BNC2: variants seen among roughly 807,000 people sequenced by gnomAD.
BNC2 encodes basonuclin zinc finger protein 2.
A neutral mutation model predicts 76.3 loss-of-function variants in BNC2; 20 were observed. The observed-to-expected ratio is 0.26, with a 90% CI of 0.18 to 0.38. The LOEUF (loss-of-function observed/expected upper bound fraction) is 0.38, where lower values mean the gene tolerates loss of function less well. BNC2 is among the 10% of genes least tolerant of loss of function. The pLI, the probability that BNC2 is intolerant of heterozygous loss-of-function variation, is 1.00. For synonymous variants in BNC2, 582 were observed against 514.8 expected, an observed-to-expected ratio of 1.13 and a Z score of -1.77; for missense variants, 1,382 against 1,399.8, an observed-to-expected ratio of 0.99 and a Z score of 0.20.
At chr9:16,496,936 C>T (rs966110266) in intron 5 of BNC2, among the ~76,000 whole-genome samples, 2 of 152,244 alleles carry the variant, frequency 1.3e-5, no homozygotes, top group African/African-American at 4.8e-5. Flanking sequence ...TCCATCATCA[C>T]ATCAGCAGCC....
intron 6 of BNC2, among the ~76,000 whole-genome samples, chr9:16,424,115 G>A (rs1465254573): frequency 6.6e-6 from 1 of 152,108 alleles, no homozygotes; most frequent in Non-Finnish European, 1.5e-5. Context: ...TAGAGAGAAA[G>A]CAAGTCTTGC....
intron 3 of BNC2, among the ~76,000 whole-genome samples, chr9:16,673,785 A>G (rs1302735100): frequency 6.6e-6 from 1 of 152,198 alleles, no homozygotes; most frequent in Non-Finnish European, 1.5e-5. Flanking sequence ...AGACACCTAC[A>G]CTGCAGTAGG....
chr9:16,530,467 TTC>T (rs1817942723), intron 5 of BNC2, among the ~76,000 whole-genome samples: 1 of 152,160 alleles, frequency 6.6e-6, no homozygotes, highest in Non-Finnish European at 1.5e-5. Context: ...TCCCTGGATT[TTC>T]TCTCTCATAA....
At chr9:16,430,811 A>T (rs1820894445) in intron 6 of BNC2, among the ~76,000 whole-genome samples, 1 of 152,260 alleles carries the variant, frequency 6.6e-6, no homozygotes, top group African/African-American at 2.4e-5. Context: ...CTTCCGCCAT[A>T]GGAATACAGA....
chr9:16,685,735 A>G (rs1387567748), intron 3 of BNC2: 1 of 595,916 alleles, frequency 1.7e-6, no homozygotes, highest in African/African-American at 1.9e-5. Context: ...GCGGGTCTCT[A>G]ACAGGTCATC....
At chr9:16,647,452 G>A (rs1821664032) in intron 3 of BNC2, among the ~76,000 whole-genome samples, 1 of 152,146 alleles carries the variant, frequency 6.6e-6, no homozygotes, top group South Asian at 2.1e-4. Flanking sequence ...TGTGGCTCAG[G>A]GAAAGGAGGT....
chr9:16,805,169 A>C (rs2135787824), intron 1 of BNC2, among the ~76,000 whole-genome samples: 1 of 152,294 alleles, frequency 6.6e-6, no homozygotes, highest in South Asian at 2.1e-4. Context: ...CCATGGACAT[A>C]GTAGGGTTTG....
rs999380695 is a variant in BNC2 at position 16,572,690 on chromosome 9, C to T, written c.433+10293G>A. Among the ~76,000 whole-genome samples, 5 of 151,978 alleles carry T rather than the reference C, an allele frequency of 3.3e-5. No homozygotes were observed. The South Asian group carries it at 6.2e-4, about 19-fold the overall frequency. Reference sequence around the variant, plus strand: ...CAGAGGGGAGTAAAGGGGTGGGAATCCCACTTTCTTGATGAACAAGGCACA... The same window carrying T: ...CAGAGGGGAGTAAAGGGGTGGGAATTCCACTTTCTTGATGAACAAGGCACA... On this transcript the variant is annotated intron_variant, in intron 4 of 6. Transcript: ENST00000380672.
intron 3 of BNC2, among the ~76,000 whole-genome samples, chr9:16,711,330 G>A (rs1174112998): frequency 4.6e-5 from 7 of 152,260 alleles, no homozygotes; most frequent in East Asian, 3.9e-4. Context: ...GTTGATTTGG[G>A]TTGTATTAAC....
chr9:16,437,077 G>C lies in BNC2; in HGVS notation c.1117C>G (p.Pro373Ala). 1.9e-6 allele frequency: 3 copies of C among 1,614,140 alleles called. No individual in the cohort carries two copies. The highest frequency in any genetic ancestry group is 2.5e-6 in the Non-Finnish European group (3 of 1,180,016). ...GTTTGATCATTCTTATAAGGTGTGG[G>C]AGAAACTTCGGATTCGCTGCTCTCA... ...YNESSESEVS[P>A]TPYKNDQTPN... Residue 373 changes from proline to alanine, a missense_variant, in exon 6 of 7, where the codon CCC becomes GCC. Around this residue, in one of 3 missense-constraint regions of BNC2, gnomAD observed 557 missense variants for 540.9 expected, o/e 1.03. Coordinates refer to ENST00000380672, the MANE Select transcript of BNC2 (RefSeq NM_017637.6).
chr9:16,835,642 C>T (rs900747273), intron 1 of BNC2, among the ~76,000 whole-genome samples: 17 of 152,296 alleles, frequency 1.1e-4, no homozygotes, highest in African/African-American at 4.1e-4. Flanking sequence ...GCGGAGGTTG[C>T]AGTGAGCAGA....
intron 1 of BNC2, among the ~76,000 whole-genome samples, chr9:16,847,947 T>C (rs1055877231): frequency 1.3e-5 from 2 of 152,338 alleles, no homozygotes; most frequent in East Asian, 3.9e-4. Context: ...AAGAAACCTG[T>C]GTGTTCAATC....
chr9:16,503,323 G>A (rs1822559886), intron 5 of BNC2, among the ~76,000 whole-genome samples: 1 of 152,120 alleles, frequency 6.6e-6, no homozygotes, highest in Non-Finnish European at 1.5e-5. Flanking sequence ...CCTGGGCCAA[G>A]CTCCAAACAC....
intron 1 of BNC2, among the ~76,000 whole-genome samples, chr9:16,773,367 C>A (rs1242488703): frequency 1.3e-5 from 2 of 151,972 alleles, no homozygotes; most frequent in Admixed American, 1.3e-4. Flanking sequence ...CCTTTTTTCC[C>A]CTCTCTCTTT....
At chr9:16,530,920 T>G (rs1024596757) in intron 5 of BNC2, among the ~76,000 whole-genome samples, 10 of 152,048 alleles carry the variant, frequency 6.6e-5, no homozygotes, top group Non-Finnish European at 1.3e-4. Context: ...TTATGGATAT[T>G]GTCAGATCTG....
chr9:16,419,327 T>A lies in BNC2; in HGVS notation c.2962A>T (p.Ile988Phe), dbSNP rs1471115877. Residue 988 changes from isoleucine (I) to phenylalanine (F), a missense_variant, in exon 7 of 7, where the codon ATT (isoleucine) becomes TTT (phenylalanine). Around this residue, in one of 3 missense-constraint regions of BNC2, gnomAD observed 798 missense variants for 775.5 expected, o/e 1.03. Transcript: ENST00000380672. ...RESDAGSDEGILLDDIDGASD... is the reference protein window; with the variant it reads ...RESDAGSDEGFLLDDIDGASD... ...GCCCCGTCAATGTCATCGAGAAGAA[T>A]CCCCTCATCGCTGCCTGCGTCGGAT... The A allele has an allele frequency of 6.2e-7, 1 of 1,613,000 alleles. No homozygotes were observed. Among genetic ancestry groups the A allele is most frequent in the African/African-American group, 1.3e-5 (1 of 74,956 alleles).
intron 3 of BNC2, among the ~76,000 whole-genome samples, chr9:16,679,089 G>A (rs563644196): frequency 6.6e-6 from 1 of 152,118 alleles, no homozygotes; most frequent in African/African-American, 2.4e-5. Context: ...ACAGAGCGAG[G>A]GCACCTAATA....
chr9:16,603,782 G>A (rs1410669399), intron 3 of BNC2, among the ~76,000 whole-genome samples: 1 of 152,056 alleles, frequency 6.6e-6, no homozygotes, highest in Non-Finnish European at 1.5e-5. Flanking sequence ...AACCTTGGCT[G>A]ATTTTATTAA....
intron 5 of BNC2, among the ~76,000 whole-genome samples, chr9:16,482,828 C>G (rs182139450): frequency 9.6e-4 from 146 of 152,284 alleles, no homozygotes; most frequent in African/African-American, 3.3e-3. Flanking sequence ...AGAACAGCCA[C>G]GGAGTCACTG....
Sources: allele counts gnomAD v4.1 joint callset (sites outside exome capture counted in the v4.1 genomes callset), GRCh38; gene constraint gnomAD v4.1.1; regional missense constraint gnomAD v4.1.1; transcripts MANE v1.5; gene names NCBI Gene and HGNC (gene_info 2026-07-23, HGNC 2026-07-21).